OXR1: variants seen among roughly 807,000 people sequenced by gnomAD.
OXR1 encodes the protein oxidation resistance 1.
In OXR1, 41 loss-of-function variants were observed where a neutral mutation model predicts 104.6. That is an observed-to-expected ratio of 0.39 (90% confidence interval 0.31 to 0.51). OXR1 has a LOEUF of 0.51. Among genes scored for constraint, OXR1 ranks in the 20% least tolerant of loss-of-function variants. OXR1 has a pLI of 0.77. For synonymous variants in OXR1, 348 were observed against 348.4 expected, an observed-to-expected ratio of 1.00 and a Z score of 0.01; for missense variants, 955 against 1,031.9, an observed-to-expected ratio of 0.93 and a Z score of 1.02.
At chr8:106,495,264 C>T (rs889307065) in intron 2 of OXR1, among the ~76,000 whole-genome samples, 6 of 151,950 alleles carry the variant, frequency 3.9e-5, no homozygotes, top group East Asian at 3.9e-4. Context: ...TTTAGTATTA[C>T]GGGCAAATAC....
At chr8:106,423,137 C>T (rs1213272585) in intron 2 of OXR1, among the ~76,000 whole-genome samples, 8 of 152,100 alleles carry the variant, frequency 5.3e-5, no homozygotes, top group Admixed American at 4.6e-4. Context: ...ACAGACTGGC[C>T]TCAGGGGAGT....
chr8:106,369,754 A>C (rs576597508), intron 2 of OXR1, among the ~76,000 whole-genome samples: 1 of 152,104 alleles, frequency 6.6e-6, no homozygotes, highest in African/African-American at 2.4e-5. Flanking sequence ...CCATTGGTCT[A>C]TATGTCTATT....
chr8:106,739,066 T>C (rs975091766), intron 12 of OXR1, among the ~76,000 whole-genome samples: 1 of 118,320 alleles, frequency 8.5e-6, no homozygotes, highest in African/African-American at 3.1e-5. Context: ...AATTCTATTT[T>C]AAATAGCATA....
chr8:106,460,162 T>G (rs1423956281), intron 2 of OXR1, among the ~76,000 whole-genome samples: 1 of 152,208 alleles, frequency 6.6e-6, no homozygotes, highest in African/African-American at 2.4e-5. Flanking sequence ...AATTTACTTT[T>G]AACACCATTG....
At chr8:106,500,178 C>T (rs771789089) in intron 2 of OXR1, among the ~76,000 whole-genome samples, 5 of 152,126 alleles carry the variant, frequency 3.3e-5, no homozygotes, top group Non-Finnish European at 5.9e-5. Flanking sequence ...ATATATTATA[C>T]TGAAGGAAGA....
chr8:106,600,502 CAT>C (rs1414961970), intron 3 of OXR1, among the ~76,000 whole-genome samples: 5 of 152,150 alleles, frequency 3.3e-5, no homozygotes, highest in African/African-American at 1.2e-4. Flanking sequence ...CTTTGCCAAT[CAT>C]ATTAGTGGTG....
intron 3 of OXR1, among the ~76,000 whole-genome samples, chr8:106,612,388 A>G (rs1369902855): frequency 6.6e-6 from 1 of 152,162 alleles, no homozygotes; most frequent in Non-Finnish European, 1.5e-5. Flanking sequence ...TACCTAAACA[A>G]TAACTTTATA....
intron 3 of OXR1, among the ~76,000 whole-genome samples, chr8:106,633,756 G>A (rs1455178328): frequency 6.6e-6 from 1 of 152,156 alleles, no homozygotes; most frequent in Non-Finnish European, 1.5e-5. Flanking sequence ...CATCTGCTAT[G>A]TTCCTAAAGT....
At chr8:106,548,284 A>T (rs1188537031) in intron 3 of OXR1, among the ~76,000 whole-genome samples, 1 of 152,090 alleles carries the variant, frequency 6.6e-6, no homozygotes, top group East Asian at 1.9e-4. Context: ...GATTCATGGG[A>T]TTTACTCTAG....
intron 4 of OXR1, among the ~76,000 whole-genome samples, chr8:106,680,963 C>T (rs1380202571): frequency 6.6e-6 from 1 of 152,186 alleles, no homozygotes; most frequent in Non-Finnish European, 1.5e-5. Context: ...GCTGTCACCA[C>T]AACTCCATTC....
chr8:106,495,567 T>C (rs2129900979), intron 2 of OXR1, among the ~76,000 whole-genome samples: 1 of 152,324 alleles, frequency 6.6e-6, no homozygotes, highest in East Asian at 1.9e-4. Flanking sequence ...CTTTCTACGT[T>C]TTGTAAATTC....
At chr8:106,490,435 T>G (rs1811000771) in intron 2 of OXR1, among the ~76,000 whole-genome samples, 1 of 152,194 alleles carries the variant, frequency 6.6e-6, no homozygotes, top group Non-Finnish European at 1.5e-5. Context: ...CTTGGCTCAC[T>G]GCAACCTCCG....
chr8:106,619,013 T>G (rs1338116948), intron 3 of OXR1, among the ~76,000 whole-genome samples: 1 of 152,140 alleles, frequency 6.6e-6, no homozygotes, highest in African/African-American at 2.4e-5. Context: ...ACCTCTTTGA[T>G]TTTTAATGGC....
In OXR1 at chr8:106,325,249, GTA is replaced by G. The variant is rs1814420324; in HGVS notation, c.-138-34224_-138-34223del. The stretch of plus-strand genomic sequence containing the variant: ...TGCCATATAACATATTCTGCTAACA[GTA>G]TAAAGACTTGGCTGTCTTTACTTTG... On this transcript the variant is annotated intron_variant, in intron 1 of 16. Transcript: ENST00000517566. Among the ~76,000 whole-genome samples, 5 of 152,210 alleles carry G rather than the reference GTA, an allele frequency of 3.3e-5. No individual in the cohort carries two copies. In the South Asian group the frequency reaches 1.0e-3, roughly 32 times the overall value.
chr8:106,633,115 C>A (rs111937031), intron 3 of OXR1, among the ~76,000 whole-genome samples: 4,353 of 151,856 alleles, frequency 0.029, 216 homozygotes, highest in African/African-American at 0.1. Context: ...TGCCTGTAAT[C>A]CCAGCTACTC....
chr8:106,409,223 G>C (rs139370118), intron 2 of OXR1, among the ~76,000 whole-genome samples: 1 of 152,156 alleles, frequency 6.6e-6, no homozygotes, highest in Non-Finnish European at 1.5e-5. Context: ...TTAGCTTCTC[G>C]GAAGAAAAGA....
intron 3 of OXR1, among the ~76,000 whole-genome samples, chr8:106,537,811 A>G (rs190023458): frequency 6.6e-6 from 1 of 152,232 alleles, no homozygotes; most frequent in East Asian, 1.9e-4. Context: ...AGAGGGGGGA[A>G]TATACTCTCC....
intron 2 of OXR1, among the ~76,000 whole-genome samples, chr8:106,397,429 A>G (rs1240407975): frequency 2.6e-5 from 4 of 152,048 alleles, no homozygotes; most frequent in Admixed American, 2.6e-4. Context: ...TGATTTAAAA[A>G]GTACAATTAA....
intron 11 of OXR1, among the ~76,000 whole-genome samples, chr8:106,731,370 T>G (rs1833878145): frequency 6.6e-6 from 1 of 152,194 alleles, no homozygotes; most frequent in Admixed American, 6.5e-5. Flanking sequence ...GCTTGTCTTT[T>G]TCATTCTCTT....
Sources: allele counts gnomAD v4.1 joint callset (sites outside exome capture counted in the v4.1 genomes callset), GRCh38; gene constraint gnomAD v4.1.1; transcripts MANE v1.5; gene names NCBI Gene and HGNC (gene_info 2026-07-23, HGNC 2026-07-21).